Variants in MAST2 observed in about 807,000 individuals in gnomAD.
MAST2 encodes the protein microtubule-associated serine/threonine-protein kinase 2.
Under a neutral mutation model 147.4 loss-of-function variants are expected in MAST2, and 70 were observed. That is an observed-to-expected ratio of 0.47 (90% CI 0.39 to 0.58). The LOEUF (loss-of-function observed/expected upper bound fraction) is 0.58. Among genes scored for constraint, MAST2 ranks in the 20% least tolerant of loss-of-function variants. The probability of loss-of-function intolerance (pLI) is 0.00; values close to 1 mark genes in which losing one functional copy is unlikely to be tolerated. For missense variants in MAST2, 2,080 were observed against 2,302.3 expected (o/e 0.90, Z 1.98); for synonymous variants, 869 against 896.8 (o/e 0.97, Z 0.55).
chr1:46,030,830 G>A, intron 22 of MAST2, 69 bp downstream of exon 22: 1 of 1,489,486 alleles, frequency 6.7e-7, no homozygotes, highest in Non-Finnish European at 8.9e-7. Flanking sequence ...TCATGGGAGA[G>A]ATTCCGATGC....
chr1:45,893,807 T>C (rs1055972235), intron 4 of MAST2, among the ~76,000 whole-genome samples: 1 of 152,198 alleles, frequency 6.6e-6, no homozygotes, highest in Admixed American at 6.5e-5. Context: ...TGTCTTCTGG[T>C]AGATAACTTT....
chr1:46,015,876 A>G (rs1210129848), intron 10 of MAST2, among the ~76,000 whole-genome samples: 1 of 152,242 alleles, frequency 6.6e-6, no homozygotes, highest in Non-Finnish European at 1.5e-5. Context: ...CAACTAAAAA[A>G]GAGAATTTTA....
chr1:45,804,202 G>A, intron 1 of MAST2, 130 bp downstream of exon 1: 2 of 1,109,674 alleles, frequency 1.8e-6, no homozygotes, highest in African/African-American at 1.6e-5. Context: ...GGAGTGGGAG[G>A]TCTGGGGAGG....
chr1:45,966,963 CT>C (rs1661316903), intron 5 of MAST2, among the ~76,000 whole-genome samples: 1 of 149,772 alleles, frequency 6.7e-6, no homozygotes, highest in East Asian at 2.0e-4. Context: ...AGCTCTTAGG[CT>C]CCCAGATTTT....
intron 3 of MAST2, among the ~76,000 whole-genome samples, chr1:45,859,813 T>G (rs1166679092): frequency 6.6e-6 from 1 of 152,238 alleles, no homozygotes; most frequent in South Asian, 2.1e-4. Context: ...CATTGGCTGA[T>G]AGTCCTCTCA....
intron 3 of MAST2, among the ~76,000 whole-genome samples, chr1:45,835,507 G>T (rs183455718): frequency 6.6e-6 from 1 of 152,058 alleles, no homozygotes; most frequent in Admixed American, 6.5e-5. Context: ...CAGAACAAAA[G>T]ATGTGATATT....
chr1:46,005,637 T>TCAAGCCTAA (rs1162179028), intron 7 of MAST2, among the ~76,000 whole-genome samples: 2 of 152,152 alleles, frequency 1.3e-5, no homozygotes, highest in Non-Finnish European at 2.9e-5. Context: ...TGTTTTCAGG[T>TCAAGCCTAA]CAAGCCTAAT....
chr1:45,869,204 A>G (rs4660318), intron 3 of MAST2, among the ~76,000 whole-genome samples: 51,651 of 151,894 alleles, frequency 0.34, 9,181 homozygotes, highest in African/African-American at 0.44. Flanking sequence ...CTGAGTACCT[A>G]ATTTTCAAAT....
chr1:45,994,765 CCAGT>C (rs773295771), intron 5 of MAST2, among the ~76,000 whole-genome samples: 6 of 152,234 alleles, frequency 3.9e-5, no homozygotes, highest in Admixed American at 6.5e-5. Context: ...GGTACTAAGG[CCAGT>C]CAAATTCTTT....
At chr1:45,847,045 C>G (rs1645460781) in intron 3 of MAST2, 2 of 393,196 alleles carry the variant, frequency 5.1e-6, no homozygotes, top group African/African-American at 4.3e-5. Context: ...TCGTTTAGTT[C>G]CAATTCCACT....
intron 2 of MAST2, among the ~76,000 whole-genome samples, chr1:45,825,390 G>T (rs12060274): frequency 0.33 from 50,447 of 151,156 alleles, 8,652 homozygotes; most frequent in African/African-American, 0.41. Flanking sequence ...TTCTTGTTTG[G>T]TTTTTCATAA....
rs1004908794 is a variant in MAST2, at chr1:45,865,087, G to A, written c.469-17277G>A. On this transcript the variant is annotated intron_variant, in intron 3 of 28. Coordinates refer to ENST00000361297, the MANE Select transcript of MAST2 (RefSeq NM_015112.3). Reference sequence around the variant, plus strand: ...ACTGTCTGGGGAGTGGCTTTTTTTTGTCTGATATCTATTATGGATGATTCC... The same window carrying A: ...ACTGTCTGGGGAGTGGCTTTTTTTTATCTGATATCTATTATGGATGATTCC... The A allele has an allele frequency of 1.8e-5, 8 of 453,428 alleles. No individual in the cohort carries two copies. The East Asian group carries it at 4.2e-4, about 24-fold the overall frequency. The allele number at this position is 453,428 out of a possible 1,614,324, so 28.1% of individuals were successfully genotyped here. A position where few individuals can be genotyped will look rare whatever the true frequency, so the allele number is the denominator to read the frequency against.
At chr1:46,024,016 G>A (rs1294953453) in intron 15 of MAST2, 36 bp downstream of exon 15, 5 of 1,595,112 alleles carry the variant, frequency 3.1e-6, no homozygotes, top group Non-Finnish European at 1.7e-6. Context: ...TGGAGGCCAA[G>A]GCACAGTCTG....
intron 4 of MAST2, among the ~76,000 whole-genome samples, chr1:45,923,769 A>C (rs1016337575): frequency 2.6e-5 from 4 of 152,198 alleles, no homozygotes; most frequent in Non-Finnish European, 5.9e-5. Flanking sequence ...GTGATGTATT[A>C]ATAACATTGT....
chr1:45,866,884 G>A (rs1394869536), intron 3 of MAST2, among the ~76,000 whole-genome samples: 2 of 151,820 alleles, frequency 1.3e-5, no homozygotes, highest in African/African-American at 4.8e-5. Context: ...AGTAGCTGGG[G>A]CATTACAGGC....
intron 4 of MAST2, among the ~76,000 whole-genome samples, chr1:45,890,980 G>A (rs1647674046): frequency 6.6e-6 from 1 of 152,008 alleles, no homozygotes; most frequent in African/African-American, 2.4e-5. Flanking sequence ...TAAAAAATAA[G>A]CACATGTTAA....
At chr1:45,848,816 GTATGTGTAGAAAACCCCATCA>G (rs1364837877) in intron 3 of MAST2, among the ~76,000 whole-genome samples, 2 of 152,170 alleles carry the variant, frequency 1.3e-5, no homozygotes, top group Non-Finnish European at 2.9e-5. Context: ...TGACATGATT[GTATGTGTAGAAAACCCCATCA>G]TCTTGGCCCA....
At chr1:45,807,917 G>A (rs1218771602) in intron 1 of MAST2, among the ~76,000 whole-genome samples, 1 of 152,094 alleles carries the variant, frequency 6.6e-6, no homozygotes, top group Non-Finnish European at 1.5e-5. Context: ...TTTTAAAAAG[G>A]CCAAAATTTT....
At chr1:45,949,156 G>T (rs2148850327) in intron 4 of MAST2, among the ~76,000 whole-genome samples, 1 of 152,166 alleles carries the variant, frequency 6.6e-6, no homozygotes, top group South Asian at 2.1e-4. Context: ...TACCATCCTG[G>T]ACACAGGAAT....
Sources: gnomAD v4.1 joint callset for allele counts (sites outside exome capture counted in the v4.1 genomes callset) on GRCh38, gnomAD v4.1.1 for gene constraint, MANE v1.5 for transcripts, NCBI Gene and HGNC (gene_info 2026-07-23, HGNC 2026-07-21) for gene names.